Variants in WWOX observed in about 807,000 individuals in gnomAD.
WWOX encodes the protein WW domain-containing oxidoreductase.
In WWOX, 69 loss-of-function variants were observed where a neutral mutation model predicts 46.2. The ratio of observed to expected loss-of-function variants is 1.49; its 90% CI spans 1.23 to 1.82. The LOEUF is 1.82. Among genes scored for constraint, WWOX ranks in the 40% most tolerant of loss-of-function variants. The pLI, the probability that WWOX is intolerant of heterozygous loss-of-function variation, is 0.00. For synonymous variants in WWOX, 359 were observed against 202.6 expected (o/e 1.77, Z -6.56); for missense variants, 919 against 542.6 (o/e 1.69, Z -6.89).
chr16:78,770,496 C>T (rs1285831789), intron 8 of WWOX, among the ~76,000 whole-genome samples: 1 of 152,170 alleles, frequency 6.6e-6, no homozygotes, highest in Non-Finnish European at 1.5e-5. Flanking sequence ...TGGGCCATGG[C>T]CCATTGGATG....
intron 6 of WWOX, among the ~76,000 whole-genome samples, chr16:78,396,863 C>A (rs985994886): frequency 1.3e-5 from 2 of 152,108 alleles, no homozygotes; most frequent in Admixed American, 6.6e-5. Context: ...TGGCTGTGTC[C>A]TAATAAAACT....
rs9932296 is a variant in WWOX, at chr16:78,386,702, C to A, written c.517-158C>A. The stretch of plus-strand genomic sequence containing the variant: ...CCTCCCCGAACTTGGCAGTAAAAGC[C>A]CTGTTCTTCCATTCATTCCGATGAT... On this transcript the variant is annotated intron_variant, in intron 5 of 8. Transcript: ENST00000566780. Among the ~76,000 whole-genome samples, 6 of 143,178 alleles carry A rather than the reference C, an allele frequency of 4.2e-5. No individual in the cohort carries two copies. The South Asian group carries it at 1.3e-3, about 32-fold the overall frequency. The allele number at this position is 143,178 out of a possible 152,430, so 93.9% of individuals were successfully genotyped here.
chr16:78,693,719 A>C lies in WWOX; in HGVS notation c.1056+260967A>C, dbSNP rs537394817. ...TGTGCTACTAATCGCCCTCTATTGC[A>C]CAGGGTGGCCCTTACCACAGAGAAC... On this transcript the variant is annotated intron_variant, in intron 8 of 8. Coordinates refer to ENST00000566780, the MANE Select transcript of WWOX (RefSeq NM_016373.4). Among the ~76,000 whole-genome samples the C allele has an allele frequency of 1.2e-4, 18 of 152,288 alleles. 1 individual carries two copies. The highest frequency in any genetic ancestry group is 3.8e-4 in the African/African-American group (16 of 41,566).
chr16:78,641,489 C>G (rs1261229603), intron 8 of WWOX, among the ~76,000 whole-genome samples: 1 of 152,104 alleles, frequency 6.6e-6, no homozygotes, highest in Admixed American at 6.6e-5. Flanking sequence ...TCTCACGCCC[C>G]AAGCTCTATT....
chr16:79,003,344 C>G (rs1475912470), intron 8 of WWOX, among the ~76,000 whole-genome samples: 1 of 152,156 alleles, frequency 6.6e-6, no homozygotes, highest in South Asian at 2.1e-4. Flanking sequence ...TGCTGAGATC[C>G]TGCTGTATAC....
At chr16:78,224,480 G>C (rs2036987570) in intron 5 of WWOX, among the ~76,000 whole-genome samples, 1 of 151,230 alleles carries the variant, frequency 6.6e-6, no homozygotes. Flanking sequence ...TAGTATTTCT[G>C]TGTCACTAAA....
intron 5 of WWOX, among the ~76,000 whole-genome samples, chr16:78,190,829 C>T (rs1471178641): frequency 6.6e-6 from 1 of 152,174 alleles, no homozygotes; most frequent in East Asian, 1.9e-4. Context: ...ATGGAGAATG[C>T]TGGACAGGCT....
At position 79,212,034 on chromosome 16, in the gene WWOX, T is replaced by C. The variant is rs1315923094; in HGVS notation, c.*238T>C. ...CATAGGTCTCTTTGCTTTCTGGTGG[T>C]GGCCTGTTTGAAAGTAAAAACCTGC... On this transcript the variant is annotated 3_prime_UTR_variant, in exon 9 of 9. Transcript: ENST00000566780. The C allele has an allele frequency of 1.3e-6, 2 of 1,536,230 alleles. No homozygotes were observed. The highest frequency in any genetic ancestry group is 1.7e-6 in the Non-Finnish European group (2 of 1,146,880).
intron 8 of WWOX, among the ~76,000 whole-genome samples, chr16:79,207,267 T>C (rs1424837580): frequency 6.6e-6 from 1 of 152,222 alleles, no homozygotes; most frequent in Non-Finnish European, 1.5e-5. Context: ...TTGAGAAGTA[T>C]TTGCTTTGTC....
chr16:78,908,586 A>C (rs2045028488), intron 8 of WWOX, among the ~76,000 whole-genome samples: 1 of 151,318 alleles, frequency 6.6e-6, no homozygotes, highest in African/African-American at 2.4e-5. Flanking sequence ...GCTGTGTGGG[A>C]GACCAGAGTT....
At chr16:78,255,333 A>T (rs2038098779) in intron 5 of WWOX, among the ~76,000 whole-genome samples, 1 of 152,210 alleles carries the variant, frequency 6.6e-6, no homozygotes, top group Admixed American at 6.5e-5. Context: ...GGAAAAAGGA[A>T]CATAATGAAT....
intron 8 of WWOX, among the ~76,000 whole-genome samples, chr16:78,578,546 C>A (rs2151584967): frequency 6.6e-6 from 1 of 151,656 alleles, no homozygotes; most frequent in East Asian, 1.9e-4. Context: ...CCTTGGCCTC[C>A]CAAAGTGCTG....
chr16:78,643,861 C>T (rs1169063659), intron 8 of WWOX, among the ~76,000 whole-genome samples: 5 of 150,564 alleles, frequency 3.3e-5, no homozygotes, highest in East Asian at 1.9e-4. Context: ...CAGCCTGAGA[C>T]AGTTGCCATA....
chr16:78,205,425 C>T (rs965178827), intron 5 of WWOX, among the ~76,000 whole-genome samples: 1 of 152,096 alleles, frequency 6.6e-6, no homozygotes, highest in Non-Finnish European at 1.5e-5. Context: ...TCTATCCATC[C>T]ACACAACCAC....
chr16:79,106,144 C>A, intron 8 of WWOX, among the ~76,000 whole-genome samples: 1 of 152,204 alleles, frequency 6.6e-6, no homozygotes, highest in Non-Finnish European at 1.5e-5. Flanking sequence ...CTCCCCAGAC[C>A]TACTGCGTCT....
intron 4 of WWOX, among the ~76,000 whole-genome samples, chr16:78,136,175 CAT>C (rs535467832): frequency 3.0e-4 from 45 of 152,194 alleles, no homozygotes; most frequent in Non-Finnish European, 4.7e-4. Context: ...CTTGTTGTAA[CAT>C]GTAAGAAATT....
chr16:78,361,677 T>C (rs1000854498), intron 5 of WWOX, among the ~76,000 whole-genome samples: 14 of 152,170 alleles, frequency 9.2e-5, no homozygotes, highest in African/African-American at 2.9e-4. Flanking sequence ...AATGGTGCGA[T>C]ATCGGCTCCC....
intron 8 of WWOX, among the ~76,000 whole-genome samples, chr16:78,435,509 G>T (rs965838411): frequency 3.3e-5 from 5 of 152,202 alleles, no homozygotes; most frequent in African/African-American, 1.2e-4. Context: ...GAGTGAGAAA[G>T]CTGTGGGAAA....
chr16:78,932,007 G>A (rs1417191088), intron 8 of WWOX, among the ~76,000 whole-genome samples: 1 of 152,216 alleles, frequency 6.6e-6, no homozygotes, highest in Non-Finnish European at 1.5e-5. Context: ...ACATGTGTTT[G>A]CTCCACATTG....
Sources: gnomAD v4.1 joint callset for allele counts (sites outside exome capture counted in the v4.1 genomes callset) on GRCh38, gnomAD v4.1.1 for gene constraint, MANE v1.5 for transcripts, NCBI Gene and HGNC (gene_info 2026-07-23, HGNC 2026-07-21) for gene names.